The following ZNF652 variants were observed in gnomAD, a reference collection of about 807,000 sequenced individuals.
The protein encoded by ZNF652 is zinc finger protein 652.
A neutral mutation model predicts 45.2 loss-of-function variants in ZNF652; 16 were observed. The ratio of observed to expected loss-of-function variants is 0.35; its 90% CI spans 0.24 to 0.54. The LOEUF (loss-of-function observed/expected upper bound fraction) is 0.54, where lower values mean the gene tolerates loss of function less well. Ranked by LOEUF, ZNF652 falls within the 20% of genes least tolerant of loss-of-function variation. The pLI is 0.91. For synonymous variants in ZNF652, 250 were observed against 260.6 expected (o/e 0.96, Z 0.39); for missense variants, 614 against 765.6 (o/e 0.80, Z 2.34).
At chr17:49,346,108 C>T (rs772404057) in intron 1 of ZNF652, among the ~76,000 whole-genome samples, 3 of 152,224 alleles carry the variant, frequency 2.0e-5, no homozygotes, top group African/African-American at 7.2e-5. Flanking sequence ...CTTACAGTCT[C>T]ACAATTAGTT....
At chr17:49,323,998 AAG>A (rs1442975250) in intron 1 of ZNF652, among the ~76,000 whole-genome samples, 1 of 152,186 alleles carries the variant, frequency 6.6e-6, no homozygotes, top group Non-Finnish European at 1.5e-5. Context: ...AGCCCCTAGC[AAG>A]AGAGTCAGCC....
intron 5 of ZNF652, among the ~76,000 whole-genome samples, chr17:49,301,998 TC>T (rs1030679569): frequency 1.3e-5 from 2 of 152,038 alleles, no homozygotes; most frequent in African/African-American, 4.8e-5. Flanking sequence ...ACACCTGGAA[TC>T]CCAGCACTTT....
intron 1 of ZNF652, among the ~76,000 whole-genome samples, chr17:49,353,260 C>T (rs1346846392): frequency 2.0e-5 from 3 of 152,146 alleles, no homozygotes; most frequent in African/African-American, 7.2e-5. Context: ...TGGCTCACTG[C>T]AGCCTCCACG....
At chr17:49,343,907 T>C (rs2070175310) in intron 1 of ZNF652, among the ~76,000 whole-genome samples, 1 of 151,978 alleles carries the variant, frequency 6.6e-6, no homozygotes, top group Non-Finnish European at 1.5e-5. Flanking sequence ...ACTTAAAAAT[T>C]AGCTAGGCCG....
chr17:49,300,475 CT>C (rs1438247976), intron 5 of ZNF652, among the ~76,000 whole-genome samples: 2 of 152,144 alleles, frequency 1.3e-5, no homozygotes, highest in African/African-American at 4.8e-5. Flanking sequence ...TTCTTTTGAA[CT>C]TATTGCTTAG....
intron 1 of ZNF652, among the ~76,000 whole-genome samples, chr17:49,335,085 G>C (rs1479126513): frequency 6.6e-6 from 1 of 152,052 alleles, no homozygotes; most frequent in Non-Finnish European, 1.5e-5. Context: ...AAAAACTGCA[G>C]ACTTGTATGC....
In ZNF652 at chr17:49,361,897, G is replaced by C. The variant is rs2070401102; in HGVS notation, c.-259+12C>G. ...CGGTGGCGAGTGCGTGGGGGAAGGG[G>C]CCCTTACTCACCCGGGCCGGCCGCC... is the stretch of plus-strand genomic sequence containing the variant. On this transcript the variant is annotated intron_variant, in intron 1 of 5. Transcript: ENST00000430262. 1 of 150,770 alleles carries C rather than the reference G, an allele frequency of 6.6e-6. No homozygotes were observed. Among genetic ancestry groups the C allele is most frequent in the Non-Finnish European group, 1.5e-5 (1 of 67,670 alleles). The allele number at this position is 150,770 out of a possible 1,614,324, so 9.3% of individuals were successfully genotyped here.
intron 2 of ZNF652, among the ~76,000 whole-genome samples, chr17:49,314,629 T>C (rs1410672814): frequency 6.6e-6 from 1 of 152,194 alleles, no homozygotes; most frequent in Non-Finnish European, 1.5e-5. Context: ...TAGCCTGGAA[T>C]ATTAGGCATA....
intron 1 of ZNF652, among the ~76,000 whole-genome samples, chr17:49,350,426 C>T (rs1220932441): frequency 6.6e-6 from 1 of 151,624 alleles, no homozygotes; most frequent in Non-Finnish European, 1.5e-5. Flanking sequence ...GTAATCCCAG[C>T]TACTCGGGAG....
intron 1 of ZNF652, among the ~76,000 whole-genome samples, chr17:49,352,278 T>A (rs1444370753): frequency 1.3e-5 from 2 of 152,174 alleles, no homozygotes; most frequent in Non-Finnish European, 2.9e-5. Context: ...ATCTCTCGTC[T>A]TCTTGCCAAG....
At chr17:49,352,399 G>A (rs1432902788) in intron 1 of ZNF652, among the ~76,000 whole-genome samples, 1 of 152,128 alleles carries the variant, frequency 6.6e-6, no homozygotes, top group Non-Finnish European at 1.5e-5. Context: ...AAAGTTAAAT[G>A]GCTCCTCTAA....
intron 5 of ZNF652, among the ~76,000 whole-genome samples, 186 bp from the exon 6 acceptor site, chr17:49,299,110 C>A (rs955662251): frequency 3.3e-5 from 5 of 151,890 alleles, no homozygotes; most frequent in African/African-American, 1.2e-4. Context: ...GCCACTGCGC[C>A]TGGCCTATGA....
At chr17:49,352,212 T>C (rs913562157) in intron 1 of ZNF652, among the ~76,000 whole-genome samples, 1 of 152,220 alleles carries the variant, frequency 6.6e-6, no homozygotes, top group Non-Finnish European at 1.5e-5. Flanking sequence ...TAATAGTGTT[T>C]GTACTTTAGT....
chr17:49,340,653 T>C (rs1002405395), intron 1 of ZNF652, among the ~76,000 whole-genome samples: 26 of 151,746 alleles, frequency 1.7e-4, no homozygotes, highest in Admixed American at 1.2e-3. Flanking sequence ...TGGTGGCTCA[T>C]ACCTATACTC....
rs1217315069 is a variant in ZNF652, at chr17:49,298,381, G to C, written c.*32C>G. ...TGTGCACGCTCACACATGGGGACGT[G>C]TCTCCTGGAGAACACACTAAGGAGA... On this transcript the variant is annotated 3_prime_UTR_variant, in exon 6 of 6. Transcript: ENST00000430262. 2 of 1,611,264 alleles carry C rather than the reference G, an allele frequency of 1.2e-6. No homozygotes were observed. The highest frequency in any genetic ancestry group is 2.7e-5 in the African/African-American group (2 of 74,866).
intron 1 of ZNF652, among the ~76,000 whole-genome samples, chr17:49,340,082 G>A (rs1351689478): frequency 6.6e-6 from 1 of 152,214 alleles, no homozygotes; most frequent in Non-Finnish European, 1.5e-5. Context: ...AAATGCTGAA[G>A]GGAAAGATCA....
intron 2 of ZNF652, among the ~76,000 whole-genome samples, chr17:49,315,621 T>C (rs1018216879): frequency 2.0e-5 from 3 of 150,618 alleles, no homozygotes; most frequent in Non-Finnish European, 4.4e-5. Context: ...CAGTAATGGA[T>C]CATTACAGAA....
At position 49,317,917 on chromosome 17, in the gene ZNF652, T is replaced by C. The variant is rs564152122; in HGVS notation, c.-192A>G. 11 of 589,508 alleles carry C rather than the reference T, an allele frequency of 1.9e-5. No homozygotes were observed. Among genetic ancestry groups the C allele is most frequent in the East Asian group, 8.9e-5 (3 of 33,538 alleles). The allele number at this position is 589,508 out of a possible 1,614,324, so 36.5% of individuals were successfully genotyped here. A position where few individuals can be genotyped will look rare whatever the true frequency, so the allele number is the denominator to read the frequency against. The stretch of plus-strand genomic sequence containing the variant: ...CATGAGTCAAAAAGGTTTGGTATTA[T>C]GGCAAGAGCAGAGCACTAGTGATTT... On this transcript the variant is annotated 5_prime_UTR_variant, in exon 2 of 6. Transcript: ENST00000430262.
At chr17:49,340,364 T>G (rs1307722823) in intron 1 of ZNF652, among the ~76,000 whole-genome samples, 2 of 151,958 alleles carry the variant, frequency 1.3e-5, no homozygotes, top group Non-Finnish European at 2.9e-5. Flanking sequence ...GAGACCAGCC[T>G]GGCCAACATG....
Sources: gnomAD v4.1 joint callset for allele counts (sites outside exome capture counted in the v4.1 genomes callset) on GRCh38, gnomAD v4.1.1 for gene constraint, MANE v1.5 for transcripts, NCBI Gene and HGNC (gene_info 2026-07-23, HGNC 2026-07-21) for gene names.